Variants in KLHL13 observed in about 807,000 individuals in gnomAD.
The protein encoded by KLHL13 is kelch like family member 13.
Under a neutral mutation model 37.1 loss-of-function variants are expected in KLHL13, and 10 were observed. That is an observed-to-expected ratio of 0.27 (90% CI 0.17 to 0.46). KLHL13 has a LOEUF of 0.46. KLHL13 is among the 20% of genes least tolerant of loss of function. KLHL13 has a pLI of 1.00. For synonymous variants in KLHL13, 163 were observed against 181.2 expected (o/e 0.90, Z 0.81); for missense variants, 360 against 509.3 (o/e 0.71, Z 2.82).
At chrX:117,965,606 G>C in intron 1 of KLHL13, among the ~76,000 whole-genome samples, 1 of 111,093 alleles carries the variant, frequency 9.0e-6, no homozygotes, top group Non-Finnish European at 1.9e-5. Context: ...AACAGAAAAA[G>C]AGAATTTTAG....
chrX:117,926,547 C>G (rs751146327), intron 2 of KLHL13, among the ~76,000 whole-genome samples: 1 of 111,542 alleles, frequency 9.0e-6, no homozygotes, highest in South Asian at 3.8e-4. Flanking sequence ...GGAAACCTTA[C>G]AAGGCTGGGG....
chrX:117,990,019 T>C (rs185558519), intron 1 of KLHL13, among the ~76,000 whole-genome samples: 126 of 111,385 alleles, frequency 1.1e-3, no homozygotes, highest in Admixed American at 2.3e-3. Flanking sequence ...GCGATTTTGG[T>C]GAAATCAAGC....
chrX:117,926,942 G>T (rs1932076114), intron 2 of KLHL13, among the ~76,000 whole-genome samples: 1 of 77,288 alleles, frequency 1.3e-5, no homozygotes, highest in African/African-American at 5.2e-5. Context: ...GTCTCGCTCT[G>T]TCGCCCAGGC....
chrX:118,031,551 T>C (rs2054344930), intron 1 of KLHL13, among the ~76,000 whole-genome samples: 1 of 89,852 alleles, frequency 1.1e-5, no homozygotes, highest in African/African-American at 4.3e-5. Flanking sequence ...TAGTTATATA[T>C]ATATTTAGTT....
At chrX:117,973,195 T>C in exon 1 of KLHL13, 1 of 919,643 alleles carries the variant, frequency 1.1e-6, no homozygotes, top group Non-Finnish European at 1.4e-6. Flanking sequence ...TGTTCTACCT[T>C]AACAGGGATA....
At chrX:118,085,095 G>A (rs2148136720) in intron 1 of KLHL13, among the ~76,000 whole-genome samples, 1 of 110,731 alleles carries the variant, frequency 9.0e-6, no homozygotes, top group South Asian at 3.8e-4. Context: ...GCTAACAGCA[G>A]CTTTATTAAT....
At chrX:117,999,651 C>A (rs1265285417) in intron 1 of KLHL13, among the ~76,000 whole-genome samples, 1 of 109,949 alleles carries the variant, frequency 9.1e-6, no homozygotes, top group East Asian at 2.8e-4. Flanking sequence ...ATGCAACAAA[C>A]CTGCACATTG....
chrX:118,085,548 G>GTACCC (rs1273366425), intron 1 of KLHL13, among the ~76,000 whole-genome samples: 1 of 110,066 alleles, frequency 9.1e-6, no homozygotes, highest in African/African-American at 3.3e-5. Flanking sequence ...AGTGTACATG[G>GTACCC]TACCCCACAG....
chrX:117,993,118 G>C (rs1194703582), intron 1 of KLHL13, among the ~76,000 whole-genome samples: 1 of 112,290 alleles, frequency 8.9e-6, no homozygotes, highest in Non-Finnish European at 1.9e-5. Flanking sequence ...ATCAGGGAAA[G>C]TTTCACAGAG....
chrX:118,105,001 A>AG (rs1320272076), intron 1 of KLHL13, among the ~76,000 whole-genome samples: 1 of 112,432 alleles, frequency 8.9e-6, no homozygotes, highest in Non-Finnish European at 1.9e-5. Context: ...GTCAGTAAAA[A>AG]GATTGTCAAT....
chrX:118,086,557 A>G (rs145129042), intron 1 of KLHL13, among the ~76,000 whole-genome samples: 4,159 of 111,977 alleles, frequency 0.037, 84 homozygotes, highest in Non-Finnish European at 0.06. Flanking sequence ...ATAAAAGAAT[A>G]AGGTAGGTAT....
chrX:117,938,958 T>C (rs1419422089), intron 2 of KLHL13, among the ~76,000 whole-genome samples: 1 of 110,711 alleles, frequency 9.0e-6, no homozygotes, highest in Non-Finnish European at 1.9e-5. Context: ...TTTTTTTTTA[T>C]ACTTAAAGTT....
At chrX:118,095,276 G>C (rs1453321802) in intron 1 of KLHL13, among the ~76,000 whole-genome samples, 7 of 110,377 alleles carry the variant, frequency 6.3e-5, no homozygotes, top group East Asian at 2.8e-4. Flanking sequence ...AACCAACAAA[G>C]ATCAAAAGAG....
chrX:118,079,936 T>C (rs1463671212), intron 1 of KLHL13, among the ~76,000 whole-genome samples: 3 of 111,179 alleles, frequency 2.7e-5, no homozygotes, highest in Non-Finnish European at 3.8e-5. Context: ...AACAGACACA[T>C]AGACCAATGG....
At chrX:118,103,807 C>CT (rs984926918) in intron 1 of KLHL13, among the ~76,000 whole-genome samples, 6 of 110,616 alleles carry the variant, frequency 5.4e-5, no homozygotes, top group Non-Finnish European at 1.1e-4. Context: ...ACTATAAACA[C>CT]TAACTGTATC....
intron 2 of KLHL13, among the ~76,000 whole-genome samples, chrX:117,941,383 A>G (rs1021453739): frequency 1.8e-5 from 2 of 111,264 alleles, no homozygotes; most frequent in Admixed American, 9.5e-5. Context: ...ATCTTTTTCT[A>G]TTGTTTGGAA....
chrX:118,049,184 A>C (rs1409373060), intron 1 of KLHL13, among the ~76,000 whole-genome samples: 1 of 111,812 alleles, frequency 8.9e-6, no homozygotes, highest in Non-Finnish European at 1.9e-5. Flanking sequence ...TGCTATATAA[A>C]AGAAATTTTA....
chrX:118,064,455 G>A (rs2054775221), intron 1 of KLHL13, among the ~76,000 whole-genome samples: 1 of 111,520 alleles, frequency 9.0e-6, no homozygotes, highest in Admixed American at 9.5e-5. Context: ...CCAAACTGAA[G>A]AAGCCACTGC....
chrX:117,999,264 C>T (rs999057982), intron 1 of KLHL13, among the ~76,000 whole-genome samples: 13 of 111,590 alleles, frequency 1.2e-4, no homozygotes, highest in Non-Finnish European at 2.4e-4. Flanking sequence ...TGCGGCACTA[C>T]TCACAATAGC....
Sources: allele counts gnomAD v4.1 joint callset (sites outside exome capture counted in the v4.1 genomes callset), GRCh38; gene constraint gnomAD v4.1.1; transcripts MANE v1.5; gene names NCBI Gene and HGNC (gene_info 2026-07-23, HGNC 2026-07-21).